GALNTL6: variants seen among roughly 807,000 people sequenced by gnomAD.
The protein encoded by GALNTL6 is polypeptide N-acetylgalactosaminyltransferase like 6, also known as polypeptide N-acetylgalactosaminyltransferase-like 6.
In GALNTL6, 46 loss-of-function variants were observed where a neutral mutation model predicts 73.7. The ratio of observed to expected loss-of-function variants is 0.62; its 90% CI spans 0.49 to 0.80. GALNTL6 has a LOEUF of 0.80. GALNTL6 is among the 30% of genes least tolerant of loss of function. The probability of loss-of-function intolerance (pLI) is 0.00; values close to 1 mark genes in which losing one functional copy is unlikely to be tolerated. For missense variants in GALNTL6, 604 were observed against 755.0 expected, an observed-to-expected ratio of 0.80 and a Z score of 2.34; for synonymous variants, 259 against 263.7, an observed-to-expected ratio of 0.98 and a Z score of 0.17.
intron 10 of GALNTL6, among the ~76,000 whole-genome samples, chr4:172,981,376 G>A (rs543253773): frequency 2.0e-5 from 3 of 152,306 alleles, no homozygotes; most frequent in Admixed American, 2.0e-4. Context: ...GTTTTCCACT[G>A]TTGCTGGGTT....
In GALNTL6 at chr4:172,367,819, T is replaced by G. The variant is rs191157176; in HGVS notation, c.553+19130T>G. Among the ~76,000 whole-genome samples, 184 of 152,348 alleles carry G rather than the reference T, an allele frequency of 1.2e-3. 1 individual carries two copies. The highest frequency in any genetic ancestry group is 2.1e-3 in the Non-Finnish European group (146 of 68,028). On this transcript the variant is annotated intron_variant, in intron 5 of 12. Transcript: ENST00000506823. ...TGCACATGTTTTCTTCCAAAGAAAC[T>G]TAATCTTTTGGGAGAAAAATATGTA...
chr4:172,956,733 T>G (rs1749771790), intron 10 of GALNTL6, among the ~76,000 whole-genome samples: 1 of 152,196 alleles, frequency 6.6e-6, no homozygotes, highest in Non-Finnish European at 1.5e-5. Context: ...AGGACAGGCC[T>G]GAATTATGAG....
chr4:172,773,672 T>G (rs1420790019), intron 5 of GALNTL6, among the ~76,000 whole-genome samples: 1 of 152,222 alleles, frequency 6.6e-6, no homozygotes, highest in East Asian at 1.9e-4. Context: ...TGTAAATTAT[T>G]TGAACATTTT....
At chr4:171,827,818 T>C (rs911459216) in intron 2 of GALNTL6, among the ~76,000 whole-genome samples, 3 of 152,116 alleles carry the variant, frequency 2.0e-5, no homozygotes, top group Admixed American at 2.0e-4. Flanking sequence ...TAGTTGACCC[T>C]TAAACATAGG....
intron 5 of GALNTL6, among the ~76,000 whole-genome samples, chr4:172,797,537 G>A (rs1292347971): frequency 6.6e-6 from 1 of 151,108 alleles, no homozygotes; most frequent in African/African-American, 2.4e-5. Flanking sequence ...GAGCCACCAC[G>A]CCCGGCCTAT....
chr4:172,957,077 G>T (rs1749786756), intron 10 of GALNTL6, among the ~76,000 whole-genome samples: 1 of 152,164 alleles, frequency 6.6e-6, no homozygotes, highest in South Asian at 2.1e-4. Context: ...AGACCAAGAG[G>T]TATTTTATAG....
chr4:171,937,417 C>T (rs1005425713), intron 2 of GALNTL6, among the ~76,000 whole-genome samples: 2 of 152,082 alleles, frequency 1.3e-5, no homozygotes, highest in Non-Finnish European at 1.5e-5. Context: ...ATTGACTCCA[C>T]GAAACAATAG....
Position 171,945,978 on chromosome 4 carries a change from G to A in GALNTL6, c.138+131260G>A, listed in dbSNP as rs111405670. ...AACATATTAATAAATGTTGACTTAC[G>A]CTTATAAAGAGCTTACTGAAAAAAA... On this transcript the variant is annotated intron_variant, in intron 2 of 12. Transcript: ENST00000506823. 1.1e-3 allele frequency among the ~76,000 whole-genome samples: 171 copies of A among 152,144 alleles called. 1 individual carries two copies. The highest frequency in any genetic ancestry group is 3.6e-3 in the African/African-American group (150 of 41,538).
chr4:172,470,116 A>G (rs1264046040), intron 5 of GALNTL6, among the ~76,000 whole-genome samples: 3 of 152,220 alleles, frequency 2.0e-5, no homozygotes, highest in African/African-American at 7.2e-5. Flanking sequence ...AGGCACAGAA[A>G]GAGAATAGCT....
At chr4:172,900,992 GCCT>G (rs1746598188) in intron 8 of GALNTL6, among the ~76,000 whole-genome samples, 1 of 151,984 alleles carries the variant, frequency 6.6e-6, no homozygotes, top group Admixed American at 6.6e-5. Context: ...AGATTTTATT[GCCT>G]CATTTCCTAT....
At chr4:172,794,692 C>A (rs780264124) in intron 5 of GALNTL6, among the ~76,000 whole-genome samples, 1 of 152,160 alleles carries the variant, frequency 6.6e-6, no homozygotes, top group Non-Finnish European at 1.5e-5. Flanking sequence ...TACGAATCTT[C>A]GTCAGAATCA....
At chr4:172,121,883 T>C (rs1247004451) in intron 2 of GALNTL6, among the ~76,000 whole-genome samples, 1 of 151,868 alleles carries the variant, frequency 6.6e-6, no homozygotes, top group South Asian at 2.1e-4. Flanking sequence ...GTTTACATAA[T>C]AGTTTGAGCT....
At chr4:172,470,572 A>G (rs915362645) in intron 5 of GALNTL6, among the ~76,000 whole-genome samples, 2 of 152,218 alleles carry the variant, frequency 1.3e-5, no homozygotes, top group Non-Finnish European at 2.9e-5. Context: ...AAGTGCCAGT[A>G]TATTGTCTTA....
chr4:172,080,541 C>A (rs929044149), intron 2 of GALNTL6, among the ~76,000 whole-genome samples: 2 of 151,870 alleles, frequency 1.3e-5, no homozygotes, highest in Admixed American at 6.6e-5. Context: ...AATTATATGA[C>A]TATTTTAGAA....
intron 2 of GALNTL6, among the ~76,000 whole-genome samples, chr4:172,053,995 A>C (rs547669704): frequency 1.4e-3 from 216 of 152,214 alleles, no homozygotes; most frequent in African/African-American, 5.0e-3. Flanking sequence ...AATTAATAAG[A>C]ATATTCTAAA....
rs1413436696 is a variant in GALNTL6 at position 172,505,479 on chromosome 4, G to A, written c.553+156790G>A. Reference sequence around the variant, plus strand: ...GAGATTTCAGTATTGATGCGTGAATGTTGGGTATGTGCTGGCCTATCAAAA... The same window carrying A: ...GAGATTTCAGTATTGATGCGTGAATATTGGGTATGTGCTGGCCTATCAAAA... On this transcript the variant is annotated intron_variant, in intron 5 of 12. Coordinates refer to ENST00000506823, the MANE Select transcript of GALNTL6 (RefSeq NM_001034845.3). 5.4e-5 allele frequency among the ~76,000 whole-genome samples: 3 copies of A among 55,122 alleles called. 1 individual carries two copies. Among genetic ancestry groups the A allele is most frequent in the African/African-American group, 1.4e-4 (3 of 22,088 alleles). 36.2% of individuals were successfully genotyped at this position (55,122 alleles called of 152,430 possible).
At chr4:172,016,899 G>A (rs1007316685) in intron 2 of GALNTL6, among the ~76,000 whole-genome samples, 1 of 152,026 alleles carries the variant, frequency 6.6e-6, no homozygotes, top group African/African-American at 2.4e-5. Context: ...CTCATGCTTG[G>A]TTTAGTGGTT....
At chr4:172,418,966 CT>C (rs1730950295) in intron 5 of GALNTL6, among the ~76,000 whole-genome samples, 1 of 151,784 alleles carries the variant, frequency 6.6e-6, no homozygotes, top group Non-Finnish European at 1.5e-5. Flanking sequence ...CAATAGGGAA[CT>C]TTTTTAGTTA....
chr4:172,683,914 G>T (rs1273974313), intron 5 of GALNTL6, among the ~76,000 whole-genome samples: 1 of 152,106 alleles, frequency 6.6e-6, no homozygotes, highest in Non-Finnish European at 1.5e-5. Context: ...GCATTACATA[G>T]AGCCCATTCC....
Sources: gnomAD v4.1 joint callset for allele counts (sites outside exome capture counted in the v4.1 genomes callset) on GRCh38, gnomAD v4.1.1 for gene constraint, MANE v1.5 for transcripts, NCBI Gene and HGNC (gene_info 2026-07-23, HGNC 2026-07-21) for gene names.